The following SEMA3A variants were observed in gnomAD, a reference collection of about 807,000 sequenced individuals.
SEMA3A encodes semaphorin 3A.
SEMA3A carries 29 observed loss-of-function variants against 97.9 expected under a neutral mutation model. The ratio of observed to expected loss-of-function variants is 0.30; its 90% CI spans 0.22 to 0.40. SEMA3A has a LOEUF of 0.40. Among genes scored for constraint, SEMA3A ranks in the 10% least tolerant of loss-of-function variants. The pLI is 1.00. For missense variants in SEMA3A, 763 were observed against 951.3 expected (o/e 0.80, Z 2.60); for synonymous variants, 321 against 323.7 (o/e 0.99, Z 0.09).
In SEMA3A at chr7:84,423,913, C is replaced by T. The variant is rs534659417; in HGVS notation, c.-245-52013G>A. ...AAAAATATTCAACATCACTAATTAT[C>T]AGGGGAATGCAAATTAAAACCACAA... On this transcript the variant is annotated intron_variant, in intron 1 of 3. Transcript: ENST00000424555. Among the ~76,000 whole-genome samples, 3 of 151,974 alleles carry T rather than the reference C, an allele frequency of 2.0e-5. No homozygotes were observed. The South Asian group carries it at 6.2e-4, about 32-fold the overall frequency.
At chr7:84,108,347 G>GGA in intron 4 of SEMA3A, among the ~76,000 whole-genome samples, 1 of 146,456 alleles carries the variant, frequency 6.8e-6, no homozygotes, top group East Asian at 2.0e-4. Flanking sequence ...TTTCTACAGG[G>GGA]AAAAAAAAAA....
intron 1 of SEMA3A, among the ~76,000 whole-genome samples, chr7:84,397,827 C>T (rs1803778229): frequency 6.6e-6 from 1 of 151,948 alleles, no homozygotes; most frequent in African/African-American, 2.4e-5. Flanking sequence ...CTTTAGTTTC[C>T]TTATATGTTT....
chr7:84,317,199 TA>T (rs967859555), intron 2 of SEMA3A, among the ~76,000 whole-genome samples: 2 of 152,290 alleles, frequency 1.3e-5, no homozygotes, highest in African/African-American at 4.8e-5. Flanking sequence ...GGGAAAAATA[TA>T]AAACAAAACT....
intron 4 of SEMA3A, among the ~76,000 whole-genome samples, chr7:84,066,134 G>T (rs1316654424): frequency 6.6e-6 from 1 of 151,718 alleles, no homozygotes; most frequent in Non-Finnish European, 1.5e-5. Flanking sequence ...ATCAATAAAT[G>T]TAATCCAGCA....
intron 1 of SEMA3A, among the ~76,000 whole-genome samples, chr7:84,396,208 A>G (rs1803727176): frequency 6.6e-6 from 1 of 152,068 alleles, no homozygotes; most frequent in Non-Finnish European, 1.5e-5. Context: ...ATAATTATGA[A>G]TTATGAAATT....
At chr7:84,364,865 G>A (rs868145086) in intron 2 of SEMA3A, among the ~76,000 whole-genome samples, 3 of 151,144 alleles carry the variant, frequency 2.0e-5, no homozygotes, top group Middle Eastern at 3.4e-3. Flanking sequence ...AAAAAGAGGT[G>A]GAACTGTAGA....
At chr7:84,355,105 T>C (rs1802524816) in intron 2 of SEMA3A, among the ~76,000 whole-genome samples, 1 of 151,788 alleles carries the variant, frequency 6.6e-6, no homozygotes, top group African/African-American at 2.4e-5. Context: ...AGAATGTTCA[T>C]AATATGAGAG....
intron 12 of SEMA3A, among the ~76,000 whole-genome samples, chr7:83,990,169 G>C (rs1013768004): frequency 6.6e-6 from 1 of 151,478 alleles, no homozygotes; most frequent in African/African-American, 2.4e-5. Context: ...GGGGTTGTTT[G>C]TTTTTTTCTT....
intron 5 of SEMA3A, among the ~76,000 whole-genome samples, chr7:84,052,544 G>A (rs949413984): frequency 6.6e-6 from 1 of 152,004 alleles, no homozygotes; most frequent in Non-Finnish European, 1.5e-5. Flanking sequence ...ATTTATGTGG[G>A]ATCGGTGGTG....
At chr7:84,440,302 C>T (rs186697545) in intron 1 of SEMA3A, among the ~76,000 whole-genome samples, 1 of 152,178 alleles carries the variant, frequency 6.6e-6, no homozygotes, top group Admixed American at 6.5e-5. Context: ...AAAGTAGCTA[C>T]CAATCTTCCA....
intron 3 of SEMA3A, among the ~76,000 whole-genome samples, chr7:84,252,883 T>A (rs1412307076): frequency 6.6e-6 from 1 of 152,110 alleles, no homozygotes; most frequent in Admixed American, 6.6e-5. Flanking sequence ...ATTTTTATTT[T>A]ATTTTATTTT....
chr7:84,122,186 G>A (rs1464519284), intron 3 of SEMA3A, among the ~76,000 whole-genome samples: 1 of 151,540 alleles, frequency 6.6e-6, no homozygotes, highest in Non-Finnish European at 1.5e-5. Flanking sequence ...TCTGACAAAG[G>A]GCTAATATCC....
At chr7:84,397,415 TTA>T (rs895714622) in intron 1 of SEMA3A, among the ~76,000 whole-genome samples, 2 of 148,274 alleles carry the variant, frequency 1.3e-5, no homozygotes, top group African/African-American at 4.9e-5. Flanking sequence ...GTAATAAGCA[TTA>T]TATATATAAA....
At position 84,246,346 on chromosome 7, in the gene SEMA3A, A is replaced by G. The variant is rs538099036; in HGVS notation, c.-82-51678T>C. ...CTTTCCAAGCATAAAACCAATGGAA[A>G]AGTGGTTTAAAAATGCACTTGACAA... On this transcript the variant is annotated intron_variant, in intron 3 of 3. Coordinates refer to the SEMA3A transcript ENST00000424555. Among the ~76,000 whole-genome samples, 7 of 152,352 alleles carry G rather than the reference A, an allele frequency of 4.6e-5. No homozygotes were observed. The East Asian group carries it at 1.4e-3, about 29-fold the overall frequency.
chr7:84,443,981 G>C (rs1805340517), intron 1 of SEMA3A, among the ~76,000 whole-genome samples: 1 of 148,224 alleles, frequency 6.7e-6, no homozygotes, highest in South Asian at 2.1e-4. Context: ...CCACCTCCTG[G>C]GTTCAAGCGA....
At chr7:84,177,558 C>G (rs1218985810) in intron 1 of SEMA3A, among the ~76,000 whole-genome samples, 3 of 151,864 alleles carry the variant, frequency 2.0e-5, no homozygotes, top group Non-Finnish European at 4.4e-5. Flanking sequence ...AGGTTTTGTT[C>G]CATGCATATT....
chr7:84,134,875 A>C lies in SEMA3A; in HGVS notation c.189T>G (p.Asp63Glu), dbSNP rs752069795. ...CAACATACAGCCTACTCCGTTCCTC[A>C]TCCAAAAGGAAGGTATGATAACTGG... Reference protein sequence around the residue: ...NSSSYHTFLLDEERSRLYVGA... With the variant: ...NSSSYHTFLLEEERSRLYVGA... Residue 63 changes from aspartate (D) to glutamate (E), a missense_variant, in exon 2 of 17, where the codon GAT (aspartate) becomes GAG (glutamate). This residue lies in a region of SEMA3A where 85 missense variants were observed against 70.0 expected (regional missense o/e 1.21). Coordinates refer to ENST00000265362, the MANE Select transcript of SEMA3A (RefSeq NM_006080.3). The C allele has an allele frequency of 6.2e-7, 1 of 1,613,880 alleles. No individual in the cohort carries two copies.
intron 5 of SEMA3A, among the ~76,000 whole-genome samples, chr7:84,046,988 C>T (rs1792380289): frequency 6.6e-6 from 1 of 151,908 alleles, no homozygotes; most frequent in Non-Finnish European, 1.5e-5. Context: ...TTTTTCTTGC[C>T]AGAATTTTTT....
At chr7:84,238,960 G>A (rs919440632) in intron 3 of SEMA3A, among the ~76,000 whole-genome samples, 1 of 151,978 alleles carries the variant, frequency 6.6e-6, no homozygotes, top group South Asian at 2.1e-4. Flanking sequence ...CAGGCAATCC[G>A]CCTGCCTCGG....
Sources: gnomAD v4.1 joint callset for allele counts (sites outside exome capture counted in the v4.1 genomes callset) on GRCh38, gnomAD v4.1.1 for gene constraint, gnomAD v4.1.1 regional missense constraint, MANE v1.5 for transcripts, NCBI Gene and HGNC (gene_info 2026-07-23, HGNC 2026-07-21) for gene names.